The following SF3A1 variants were observed in gnomAD, a reference collection of about 807,000 sequenced individuals.
The protein encoded by SF3A1 is splicing factor 3a subunit 1, also known as SAP 114.
In SF3A1, 13 loss-of-function variants were observed where a neutral mutation model predicts 89.9. That is an observed-to-expected ratio of 0.14 (90% confidence interval 0.09 to 0.23). The LOEUF (loss-of-function observed/expected upper bound fraction) is 0.23, where lower values mean the gene tolerates loss of function less well. Among genes scored for constraint, SF3A1 ranks in the 10% least tolerant of loss-of-function variants. The pLI, the probability that SF3A1 is intolerant of heterozygous loss-of-function variation, is 1.00. For missense variants in SF3A1, 604 were observed against 1,022.1 expected (o/e 0.59, Z 5.58); for synonymous variants, 405 against 374.4 (o/e 1.08, Z -0.94).
At chr22:30,346,244 G>A (rs1569173459) in intron 3 of SF3A1, 68 bp downstream of exon 3, 6 of 1,053,552 alleles carry the variant, frequency 5.7e-6, no homozygotes, top group East Asian at 2.4e-5. Context: ...AGTTAATTGT[G>A]TACTCCCTCC....
At chr22:30,346,235 GTTAA>G in intron 3 of SF3A1, 73 bp downstream of exon 3, 1 of 986,416 alleles carries the variant, frequency 1.0e-6, no homozygotes, top group East Asian at 2.4e-5. Flanking sequence ...GAGATTTGGA[GTTAA>G]TTGTGTACTC....
At chr22:30,346,086 G>A (rs1200727256) in intron 3 of SF3A1, 4 of 554,224 alleles carry the variant, frequency 7.2e-6, no homozygotes, top group Non-Finnish European at 1.3e-5. Flanking sequence ...AATGAGACAA[G>A]ACTCCTGAAG....
rs1930977842 is a variant in SF3A1, at chr22:30,333,573, GCA to G, written c.*1019_*1020del. The G allele has an allele frequency of 6.6e-6, 1 of 152,144 alleles. No individual in the cohort carries two copies. Among genetic ancestry groups the G allele is most frequent in the Non-Finnish European group, 1.5e-5 (1 of 68,022 alleles). The allele number at this position is 152,144 out of a possible 1,614,324, so 9.4% of individuals were successfully genotyped here. ...AGAAACCAGGACTGTGACGTGTTTT[GCA>G]CACATTCTCTTTTCACTTTCACAGT... is the stretch of plus-strand genomic sequence containing the variant. On this transcript the variant is annotated 3_prime_UTR_variant, in exon 16 of 16. Coordinates refer to ENST00000215793, the MANE Select transcript of SF3A1 (RefSeq NM_005877.6).
chr22:30,354,178 GAGAA>G (rs1193540346), intron 1 of SF3A1, among the ~76,000 whole-genome samples: 1 of 152,104 alleles, frequency 6.6e-6, no homozygotes, highest in Non-Finnish European at 1.5e-5. Context: ...TCTTATCTTA[GAGAA>G]ACGAAGTTTC....
At position 30,346,363 on chromosome 22, in the gene SF3A1, G is replaced by C. The variant is rs1401327042; in HGVS notation, c.342C>G (p.Pro114=). 2.5e-6 allele frequency: 4 copies of C among 1,613,874 alleles called. No homozygotes were observed. The highest frequency in any genetic ancestry group is 3.4e-6 in the Non-Finnish European group (4 of 1,179,916). The change falls in exon 3 of 16, where the codon CCC becomes CCG. Residue 114 remains proline (P), a synonymous_variant. Transcript: ENST00000215793. ...TCTGCTGCTGCTGCTGCATGACCTTGGGGATGGCGGCGGACGGCTCCTGAG... is the reference window on the plus strand; with the variant it reads ...TCTGCTGCTGCTGCTGCATGACCTTCGGGATGGCGGCGGACGGCTCCTGAG... ...GKAQEPSAAI[P]KVMQQQQQTT...
chr22:30,335,811 G>C lies in SF3A1; in HGVS notation c.2107-58C>G, dbSNP rs994553098. ...GAGCTCGGAGCCAATCAAGAACTAT[G>C]CTCTGCTATCCCTAGGCCTGTCCAG... On this transcript the variant is annotated intron_variant, in intron 13 of 15. Coordinates refer to ENST00000215793, the MANE Select transcript of SF3A1 (RefSeq NM_005877.6). The C allele has an allele frequency of 4.3e-6, 6 of 1,382,600 alleles. No individual in the cohort carries two copies. In the African/African-American group the frequency reaches 5.7e-5, roughly 13 times the overall value. The allele number at this position is 1,382,600 out of a possible 1,614,324, so 85.6% of individuals were successfully genotyped here.
At chr22:30,335,573 G>T in intron 14 of SF3A1, 35 bp from the exon 15 acceptor site, 3 of 1,613,206 alleles carry the variant, frequency 1.9e-6, no homozygotes, top group Non-Finnish European at 2.5e-6. Context: ...CAACTCCTTG[G>T]TAAGGCCAGC....
intron 8 of SF3A1, 53 bp downstream of exon 8, chr22:30,340,642 G>A: frequency 1.8e-6 from 2 of 1,118,880 alleles, no homozygotes; most frequent in Non-Finnish European, 1.4e-6. Context: ...AACACATGAG[G>A]GCACACAGGA....
Position 30,356,825 on chromosome 22 carries a change from G to T in SF3A1, c.-33C>A. ...ACGCTCAGGGCTGCCAGTCCGCCTCGGTGTCGGTGAGCGGTGCCGCCTCAA... is the reference window on the plus strand; with the variant it reads ...ACGCTCAGGGCTGCCAGTCCGCCTCTGTGTCGGTGAGCGGTGCCGCCTCAA... On this transcript the variant is annotated 5_prime_UTR_variant, in exon 1 of 16. Transcript: ENST00000215793. The T allele has an allele frequency of 7.6e-7, 1 of 1,319,882 alleles. No individual in the cohort carries two copies. Among genetic ancestry groups the T allele is most frequent in the South Asian group, 1.9e-5 (1 of 51,310 alleles). The allele number at this position is 1,319,882 out of a possible 1,614,324, so 81.8% of individuals were successfully genotyped here.
intron 15 of SF3A1, 33 bp from the exon 16 acceptor site, chr22:30,334,728 C>A (rs1265127156): frequency 6.7e-7 from 1 of 1,492,034 alleles, no homozygotes. Flanking sequence ...TAGCATGGGG[C>A]AACCCAGCCT....
rs1007748256 is a variant in SF3A1 at position 30,333,737 on chromosome 22, T to C, written c.*857A>G. 1 of 152,260 alleles carries C rather than the reference T, an allele frequency of 6.6e-6. No homozygotes were observed. Among genetic ancestry groups the C allele is most frequent in the African/African-American group, 2.4e-5 (1 of 41,470 alleles). The allele number at this position is 152,260 out of a possible 1,614,324, so 9.4% of individuals were successfully genotyped here. Reference sequence around the variant, plus strand: ...TAGAGAGTAAATTATTTAAACTTTATCAAATCCTTGGTACATGACCTTAAT... The same window carrying C: ...TAGAGAGTAAATTATTTAAACTTTACCAAATCCTTGGTACATGACCTTAAT... On this transcript the variant is annotated 3_prime_UTR_variant, in exon 16 of 16. Coordinates refer to ENST00000215793, the MANE Select transcript of SF3A1 (RefSeq NM_005877.6).
intron 1 of SF3A1, among the ~76,000 whole-genome samples, chr22:30,356,206 C>A (rs1931825249): frequency 6.6e-6 from 1 of 152,170 alleles, no homozygotes; most frequent in Non-Finnish European, 1.5e-5. Context: ...CCTGTGAGCT[C>A]CCTAGGCAGG....
intron 2 of SF3A1, among the ~76,000 whole-genome samples, chr22:30,348,217 C>T (rs1159881659): frequency 6.6e-6 from 1 of 152,210 alleles, no homozygotes; most frequent in Non-Finnish European, 1.5e-5. Flanking sequence ...GTCTGTGGGG[C>T]CTTCCATTGC....
intron 7 of SF3A1, 109 bp from the exon 8 acceptor site, chr22:30,340,921 C>A: frequency 1.4e-6 from 1 of 713,560 alleles, no homozygotes. Context: ...TGCCAGCCAG[C>A]GTCCATGTGC....
chr22:30,355,192 T>C (rs558279215), intron 1 of SF3A1, among the ~76,000 whole-genome samples: 35 of 152,306 alleles, frequency 2.3e-4, no homozygotes, highest in African/African-American at 8.4e-4. Flanking sequence ...TTTTTATTTT[T>C]AGTAGAGACA....
At chr22:30,345,558 C>T (rs1931393542) in intron 3 of SF3A1, among the ~76,000 whole-genome samples, 1 of 152,104 alleles carries the variant, frequency 6.6e-6, no homozygotes, top group Admixed American at 6.5e-5. Context: ...TGCAGAAAAC[C>T]CCACTGTACA....
chr22:30,341,892 GGT>G lies in SF3A1; in HGVS notation c.878-9_878-8del. On this transcript the variant is annotated splice_polypyrimidine_tract_variant and splice_region_variant and intron_variant, in intron 6 of 15. Transcript: ENST00000215793. The stretch of plus-strand genomic sequence containing the variant: ...GTGGGGGGAGGGAAGTTCCCTAGAG[GGT>G]GAGCCAGAGGCAAAGGTATTCCTTA... 6.2e-7 allele frequency: 1 copy of G among 1,610,250 alleles called. No individual in the cohort carries two copies. Among genetic ancestry groups the G allele is most frequent in the Non-Finnish European group, 8.5e-7 (1 of 1,179,514 alleles).
intron 2 of SF3A1, among the ~76,000 whole-genome samples, chr22:30,349,831 A>T (rs913863565): frequency 1.3e-5 from 2 of 151,236 alleles, no homozygotes; most frequent in African/African-American, 4.9e-5. Flanking sequence ...TTTTGTAGAG[A>T]CAGGGGTCTC....
chr22:30,352,935 C>T lies in SF3A1; in HGVS notation c.185+16G>A. 1 of 1,613,736 alleles carries T rather than the reference C, an allele frequency of 6.2e-7. No homozygotes were observed. Among genetic ancestry groups the T allele is most frequent in the Non-Finnish European group, 8.5e-7 (1 of 1,179,782 alleles). ...TGCTGAAACCCACCTCTGACCCACC[C>T]AAGTAGCTCTGTTACCTGGCCACAA... is the stretch of plus-strand genomic sequence containing the variant. On this transcript the variant is annotated intron_variant, in intron 2 of 15. Coordinates refer to ENST00000215793, the MANE Select transcript of SF3A1 (RefSeq NM_005877.6).
Sources: gnomAD v4.1 joint callset for allele counts (sites outside exome capture counted in the v4.1 genomes callset) on GRCh38, gnomAD v4.1.1 for gene constraint, MANE v1.5 for transcripts, NCBI Gene and HGNC (gene_info 2026-07-23, HGNC 2026-07-21) for gene names.